The following ACTN2 variants were observed in gnomAD, a reference collection of about 807,000 sequenced individuals.
ACTN2 encodes actinin alpha 2, also known as alpha-actinin-2.
A neutral mutation model predicts 113.8 loss-of-function variants in ACTN2; 39 were observed. The ratio of observed to expected loss-of-function variants is 0.34; its 90% CI spans 0.27 to 0.45. ACTN2 has a LOEUF of 0.45. ACTN2 is among the 20% of genes least tolerant of loss of function. The probability of loss-of-function intolerance (pLI) is 1.00; values close to 1 mark genes in which losing one functional copy is unlikely to be tolerated. For missense variants in ACTN2, 992 were observed against 1,177.9 expected (o/e 0.84, Z 2.31); for synonymous variants, 429 against 444.1 (o/e 0.97, Z 0.43).
intron 6 of ACTN2, among the ~76,000 whole-genome samples, chr1:236,729,303 G>C (rs569420289): frequency 1.3e-4 from 20 of 152,078 alleles, no homozygotes; most frequent in African/African-American, 4.8e-4. Context: ...CAGCCTGGGC[G>C]ACAGAGCGAG....
chr1:236,721,808 G>C (rs1408609523), intron 4 of ACTN2, among the ~76,000 whole-genome samples: 1 of 152,124 alleles, frequency 6.6e-6, no homozygotes, highest in Non-Finnish European at 1.5e-5. Context: ...AAATATTACA[G>C]AGGTGAAGTT....
chr1:236,695,256 TAATCCCAGC>T (rs2102862606), intron 1 of ACTN2, among the ~76,000 whole-genome samples: 1 of 146,020 alleles, frequency 6.8e-6, no homozygotes, highest in Non-Finnish European at 1.5e-5. Flanking sequence ...TGTCTGCCCA[TAATCCCAGC>T]CACTTGGGAG....
At chr1:236,729,790 A>T (rs1658663262) in intron 6 of ACTN2, among the ~76,000 whole-genome samples, 1 of 152,162 alleles carries the variant, frequency 6.6e-6, no homozygotes, top group Non-Finnish European at 1.5e-5. Flanking sequence ...ATTAATCTTA[A>T]TCTCATTTGC....
chr1:236,703,426 C>G (rs1236067602), intron 1 of ACTN2, among the ~76,000 whole-genome samples: 2 of 146,940 alleles, frequency 1.4e-5, no homozygotes, highest in African/African-American at 2.5e-5. Context: ...TCCTTTGGGC[C>G]TACTACCTTT....
chr1:236,747,822 C>T lies in ACTN2; in HGVS notation c.1515+47C>T, dbSNP rs79971593. 0.044 allele frequency: 62,007 copies of T among 1,400,328 alleles called. 1,965 individuals carry two copies. The highest frequency in any genetic ancestry group is 0.14 in the East Asian group (5,797 of 42,502). 86.7% of individuals were successfully genotyped at this position (1,400,328 alleles called of 1,614,324 possible). ...TTGACATGAAATCTTTTAATAGAAGCTCTTTAATTAAATCACTGGTATTCA... is the reference window on the plus strand; with the variant it reads ...TTGACATGAAATCTTTTAATAGAAGTTCTTTAATTAAATCACTGGTATTCA... On this transcript the variant is annotated intron_variant, in intron 13 of 20. Coordinates refer to ENST00000366578, the MANE Select transcript of ACTN2 (RefSeq NM_001103.4).
intron 1 of ACTN2, among the ~76,000 whole-genome samples, chr1:236,708,932 C>T (rs575429242): frequency 6.6e-6 from 1 of 152,138 alleles, no homozygotes; most frequent in South Asian, 2.1e-4. Flanking sequence ...CTTTCCAGAG[C>T]CTCCTTACTT....
chr1:236,739,179 C>A, intron 9 of ACTN2, 123 bp from the exon 10 acceptor site: 2 of 1,018,430 alleles, frequency 2.0e-6, no homozygotes, highest in Non-Finnish European at 3.1e-6. Flanking sequence ...GTAGAGGTAC[C>A]ACATCTCAGT....
At chr1:236,720,833 G>A (rs528288843) in intron 4 of ACTN2, among the ~76,000 whole-genome samples, 1 of 152,046 alleles carries the variant, frequency 6.6e-6, no homozygotes. Context: ...AACTTTGCCT[G>A]TTTGGCCCTC....
At chr1:236,742,265 C>A (rs190798260) in intron 10 of ACTN2, among the ~76,000 whole-genome samples, 102 of 137,076 alleles carry the variant, frequency 7.4e-4, no homozygotes, top group Middle Eastern at 3.6e-3. Context: ...CTCTCTCCCC[C>A]AACCACCATG....
At chr1:236,728,617 G>GTT (rs970528479) in intron 6 of ACTN2, among the ~76,000 whole-genome samples, 1 of 134,336 alleles carries the variant, frequency 7.4e-6, no homozygotes, top group Non-Finnish European at 1.6e-5. Flanking sequence ...TGGGGCAGGC[G>GTT]TTTTTTTTTA....
rs747847622 is a variant in ACTN2 at position 236,744,608 on chromosome 1, T to A, written c.1256-18T>A. On this transcript the variant is annotated intron_variant, in intron 11 of 20. Coordinates refer to ENST00000366578, the MANE Select transcript of ACTN2 (RefSeq NM_001103.4). ...GTGCCCTCAGCATATTCATACTTTC[T>A]TGCTACCACCTTTGCAGGCAAAGAG... is the stretch of plus-strand genomic sequence containing the variant. 1.2e-6 allele frequency: 2 copies of A among 1,613,796 alleles called. No homozygotes were observed. The highest frequency in any genetic ancestry group is 2.7e-5 in the African/African-American group (2 of 74,932).
intron 8 of ACTN2, chr1:236,736,738 C>T: frequency 1.0e-6 from 1 of 1,004,602 alleles, no homozygotes; most frequent in South Asian, 1.5e-5. Context: ...TTCAGGGAGT[C>T]TCCATCCCAT....
chr1:236,725,636 T>A (rs4659465), intron 4 of ACTN2, among the ~76,000 whole-genome samples: 1 of 151,928 alleles, frequency 6.6e-6, no homozygotes, highest in Admixed American at 6.6e-5. Context: ...CAAAAAAAAT[T>A]AAAAAAAGTA....
intron 9 of ACTN2, 115 bp from the exon 10 acceptor site, chr1:236,739,187 A>G (rs1237882700): frequency 1.8e-6 from 2 of 1,089,002 alleles, no homozygotes; most frequent in Non-Finnish European, 2.8e-6. Flanking sequence ...ACCACATCTC[A>G]GTGATTTTAG....
chr1:236,718,813 G>A (rs1658296871), intron 2 of ACTN2, 81 bp from the exon 3 acceptor site: 1 of 1,594,006 alleles, frequency 6.3e-7, no homozygotes, highest in Non-Finnish European at 8.6e-7. Flanking sequence ...AGGAAAAGAT[G>A]GATGCTTAGT....
Position 236,739,350 on chromosome 1 carries a change from C to A in ACTN2, c.925C>A (p.Pro309Thr). 1 of 1,614,052 alleles carries A rather than the reference C, an allele frequency of 6.2e-7. No homozygotes were observed. The highest frequency in any genetic ancestry group is 8.5e-7 in the Non-Finnish European group (1 of 1,180,012). Reference protein sequence around the residue: ...RTIPWLENRTPEKTMQAMQKK... With the variant: ...RTIPWLENRTTEKTMQAMQKK... Reference sequence around the variant, plus strand: ...GATCCCCTGGCTGGAGAACCGGACTCCCGAGAAGACCATGCAAGCCATGCA... The same window carrying A: ...GATCCCCTGGCTGGAGAACCGGACTACCGAGAAGACCATGCAAGCCATGCA... Residue 309 changes from proline (P) to threonine (T), a missense_variant, in exon 10 of 21, where the codon CCC (proline) becomes ACC (threonine). Physicochemically the swap from Pro to Thr is conservative, Grantham distance 38. Transcript: ENST00000366578.
intron 1 of ACTN2, among the ~76,000 whole-genome samples, chr1:236,709,330 GTA>G (rs1175691259): frequency 1.0e-3 from 119 of 113,510 alleles, no homozygotes; most frequent in African/African-American, 1.6e-3. Context: ...ATATATACAT[GTA>G]TATATATACG....
At chr1:236,737,549 T>G (rs1030578574) in intron 9 of ACTN2, among the ~76,000 whole-genome samples, 4 of 38,448 alleles carry the variant, frequency 1.0e-4, no homozygotes, top group Non-Finnish European at 2.8e-4. Flanking sequence ...GGGTTACTTG[T>G]TTTTTTTTTT....
rs757782168 is a variant in ACTN2, at chr1:236,727,669, G to T, written c.537-9G>T. ...ACACGTGTTCCTGTTCTTCTCGACG[G>T]CTGTGAAGCTGGAAAGATGGCCTTG... On this transcript the variant is annotated splice_polypyrimidine_tract_variant and intron_variant, in intron 5 of 20. Transcript: ENST00000366578. 1 of 1,614,064 alleles carries T rather than the reference G, an allele frequency of 6.2e-7. No homozygotes were observed. Among genetic ancestry groups the T allele is most frequent in the Non-Finnish European group, 8.5e-7 (1 of 1,179,934 alleles).
Sources: allele counts gnomAD v4.1 joint callset (sites outside exome capture counted in the v4.1 genomes callset), GRCh38; gene constraint gnomAD v4.1.1; transcripts MANE v1.5; gene names NCBI Gene and HGNC (gene_info 2026-07-23, HGNC 2026-07-21).